HVCN1: variants seen among roughly 807,000 people sequenced by gnomAD.
The protein encoded by HVCN1 is voltage-gated hydrogen channel 1.
In HVCN1, 14 loss-of-function variants were observed where a neutral mutation model predicts 29.2. The observed-to-expected ratio is 0.48, with a 90% CI of 0.32 to 0.75. The LOEUF is 0.75. Ranked by LOEUF, HVCN1 falls within the 30% of genes least tolerant of loss-of-function variation. HVCN1 has a pLI of 0.04. For synonymous variants in HVCN1, 131 were observed against 133.2 expected (o/e 0.98, Z 0.11); for missense variants, 263 against 341.8 (o/e 0.77, Z 1.82).
chr12:110,655,486 G>A, intron 4 of HVCN1, 148 bp from the exon 5 acceptor site: 1 of 618,018 alleles, frequency 1.6e-6, no homozygotes, highest in Non-Finnish European at 2.9e-6. Context: ...GCTCGCCAGA[G>A]GCCCCACCAG....
chr12:110,686,412 C>A (rs750303814), intron 2 of HVCN1, among the ~76,000 whole-genome samples: 1 of 152,186 alleles, frequency 6.6e-6, no homozygotes, highest in Non-Finnish European at 1.5e-5. Context: ...GACTTTCTCG[C>A]TGGTTGACTG....
chr12:110,694,868 C>T lies in HVCN1; in HGVS notation c.-103-6160G>A, dbSNP rs1227852497. Among the ~76,000 whole-genome samples the T allele has an allele frequency of 1.3e-5, 2 of 152,208 alleles. No homozygotes were observed. Among genetic ancestry groups the T allele is most frequent in the Non-Finnish European group, 2.9e-5 (2 of 68,036 alleles). The stretch of plus-strand genomic sequence containing the variant: ...AGCCTTCTGCCTCACAGTTCAGAGT[C>T]ACACAGAAGAGTAGGAAGAACACAG... On this transcript the variant is annotated intron_variant, in intron 2 of 4. Coordinates refer to the HVCN1 transcript ENST00000546713. The surrounding 1 kb of genome is among the most constrained non-coding windows in gnomAD (Gnocchi z 4.6).
At position 110,655,260 on chromosome 12, in the gene HVCN1, G is replaced by A; in HGVS notation, c.385C>T (p.Pro129Ser). 1 of 1,613,594 alleles carries A rather than the reference G, an allele frequency of 6.2e-7. No individual in the cohort carries two copies. Residue 129 changes from proline (P) to serine (S), a missense_variant, in exon 5 of 8, where the codon CCC becomes TCC. Around this residue, in one of 3 missense-constraint regions of HVCN1, gnomAD observed 157 missense variants for 181.3 expected, o/e 0.87. Coordinates refer to ENST00000242607, the MANE Select transcript of HVCN1 (RefSeq NM_032369.4). ...ATGGCAGCATAGTTATTCTTGTCGG[G>A]CTGGATGATCTTCAGGTCCAGGATG... Reference protein sequence around the residue: ...ELILDLKIIQPDKNNYAAMVF... With the variant: ...ELILDLKIIQSDKNNYAAMVF...
chr12:110,682,805 A>T, intron 3 of HVCN1: 1 of 246,862 alleles, frequency 4.1e-6, no homozygotes, highest in Non-Finnish European at 7.9e-6. Flanking sequence ...CTCTACTAAA[A>T]ATACAAAGTT....
Position 110,651,285 on chromosome 12 carries a change from T to C in HVCN1, c.575A>G (p.Glu192Gly), listed in dbSNP as rs772064093. The C allele has an allele frequency of 1.9e-6, 3 of 1,614,012 alleles. No homozygotes were observed. The highest frequency in any genetic ancestry group is 2.2e-5 in the South Asian group (2 of 91,064). Residue 192 changes from glutamate to glycine, a missense_variant, in exon 6 of 8, where the codon GAG becomes GGG. Physicochemically the swap from Glu to Gly is moderately conservative, Grantham distance 98. Around this residue, in one of 3 missense-constraint regions of HVCN1, gnomAD observed 55 missense variants for 109.4 expected, o/e 0.50. Coordinates refer to ENST00000242607, the MANE Select transcript of HVCN1 (RefSeq NM_032369.4). Reference sequence around the variant, plus strand: ...CAGGCCCAGAGCCTCAAACTGGTGCTCCTGGAACAGGAGGACAATGTCGAG... The same window carrying C: ...CAGGCCCAGAGCCTCAAACTGGTGCCCCTGGAACAGGAGGACAATGTCGAG... ...FILDIVLLFQEHQFEALGLLI... is the reference protein window; with the variant it reads ...FILDIVLLFQGHQFEALGLLI...
rs538999674 is a variant in HVCN1 at position 110,678,439 on chromosome 12, CTTTTTTTTTTTTTTTTT to C, written c.21+4769_21+4785del. Among the ~76,000 whole-genome samples the C allele has an allele frequency of 0.018, 1,202 of 65,964 alleles. 129 individuals are homozygous for C. In the Admixed American group the frequency reaches 0.2, roughly 11 times the overall value. 43.3% of individuals were successfully genotyped at this position (65,964 alleles called of 152,430 possible). On this transcript the variant is annotated intron_variant, in intron 3 of 7. Coordinates refer to ENST00000242607, the MANE Select transcript of HVCN1 (RefSeq NM_032369.4). ...TCTTATTTTCCATTTCATTCTATTT[CTTTTTTTTTTTTTTTTT>C]TTTTTTTTTTTTGAGACAGGGTCTC...
chr12:110,701,927 C>G (rs2069568522), intron 2 of HVCN1, among the ~76,000 whole-genome samples: 1 of 150,782 alleles, frequency 6.6e-6, no homozygotes, highest in African/African-American at 2.5e-5. Flanking sequence ...AAAACACACA[C>G]AGGTCCCGGT....
intron 3 of HVCN1, among the ~76,000 whole-genome samples, chr12:110,679,979 C>T (rs1226535634): frequency 1.3e-5 from 2 of 152,154 alleles, no homozygotes; most frequent in African/African-American, 4.8e-5. Flanking sequence ...TGCACCATGG[C>T]TACAAAACCC....
upstream of HVCN1, among the ~76,000 whole-genome samples, chr12:110,692,187 A>G (rs775290468): frequency 2.0e-5 from 3 of 152,214 alleles, no homozygotes; most frequent in Non-Finnish European, 4.4e-5. Flanking sequence ...TCAACATTTC[A>G]CTGATGAGCT....
intron 2 of HVCN1, among the ~76,000 whole-genome samples, chr12:110,701,239 G>A (rs188273777): frequency 3.3e-5 from 5 of 152,164 alleles, no homozygotes; most frequent in African/African-American, 7.2e-5. Flanking sequence ...GAGGTAGAGC[G>A]CTCCAGCCTG....
chr12:110,662,124 A>G (rs555703205), intron 3 of HVCN1, among the ~76,000 whole-genome samples: 6 of 152,252 alleles, frequency 3.9e-5, no homozygotes, highest in East Asian at 1.9e-4. Context: ...AGAGAGCCCA[A>G]TGGAAGAGAG....
intron 2 of HVCN1, among the ~76,000 whole-genome samples, chr12:110,684,309 C>T (rs1197255311): frequency 2.0e-5 from 3 of 152,160 alleles, no homozygotes; most frequent in Non-Finnish European, 4.4e-5. Flanking sequence ...TACTTAAATG[C>T]CACTGAATTA....
upstream of HVCN1, among the ~76,000 whole-genome samples, chr12:110,690,442 C>T (rs139749298): frequency 4.9e-4 from 75 of 152,262 alleles, no homozygotes; most frequent in Non-Finnish European, 8.4e-4. Flanking sequence ...TCAACTGACT[C>T]GGCTTTCCCC....
At chr12:110,652,638 C>G (rs2067849638) in intron 5 of HVCN1, among the ~76,000 whole-genome samples, 1 of 152,140 alleles carries the variant, frequency 6.6e-6, no homozygotes, top group Non-Finnish European at 1.5e-5. Context: ...TAAAAAAATT[C>G]ACAGTGCGGC....
At chr12:110,677,831 G>A (rs1187475059) in intron 3 of HVCN1, among the ~76,000 whole-genome samples, 1 of 152,044 alleles carries the variant, frequency 6.6e-6, no homozygotes, top group Admixed American at 6.6e-5. Flanking sequence ...AGGCTGAGGG[G>A]CTTAACTGGC....
upstream of HVCN1, among the ~76,000 whole-genome samples, chr12:110,691,586 T>C (rs1003769301): frequency 7.2e-5 from 11 of 152,210 alleles, no homozygotes; most frequent in Admixed American, 3.9e-4. Flanking sequence ...CACTCCCCTC[T>C]GGTTGAGGAA....
intron 3 of HVCN1, among the ~76,000 whole-genome samples, chr12:110,681,588 G>T (rs1476563041): frequency 6.6e-6 from 1 of 152,166 alleles, no homozygotes; most frequent in African/African-American, 2.4e-5. Flanking sequence ...TCTTATGAAG[G>T]ATACCTGGAG....
At chr12:110,657,697 C>T (rs1050411091) in intron 4 of HVCN1, among the ~76,000 whole-genome samples, 1 of 152,140 alleles carries the variant, frequency 6.6e-6, no homozygotes, top group African/African-American at 2.4e-5. Context: ...CACAAAACTA[C>T]GATGCCAGGA....
At chr12:110,670,271 T>C (rs887705850) in intron 3 of HVCN1, among the ~76,000 whole-genome samples, 1 of 152,180 alleles carries the variant, frequency 6.6e-6, no homozygotes, top group Non-Finnish European at 1.5e-5. Flanking sequence ...CCTAGTTCAT[T>C]GTTATCTGAC....
Sources: gnomAD v4.1 joint callset for allele counts (sites outside exome capture counted in the v4.1 genomes callset) on GRCh38, gnomAD v4.1.1 for gene constraint, gnomAD v4.1.1 regional missense constraint, Gnocchi (gnomAD v3.1) non-coding constraint, MANE v1.5 for transcripts, NCBI Gene and HGNC (gene_info 2026-07-23, HGNC 2026-07-21) for gene names.